APBA1: variants seen among roughly 807,000 people sequenced by gnomAD.
The protein encoded by APBA1 is amyloid beta precursor protein binding family A member 1, also known as amyloid-beta A4 precursor protein-binding family A member 1.
A neutral mutation model predicts 86.6 loss-of-function variants in APBA1; 55 were observed. The observed-to-expected ratio is 0.64, with a 90% CI of 0.51 to 0.80. APBA1 has a LOEUF of 0.80. Ranked by LOEUF, APBA1 falls within the 30% of genes least tolerant of loss-of-function variation. The pLI, the probability that APBA1 is intolerant of heterozygous loss-of-function variation, is 0.00. For synonymous variants in APBA1, 511 were observed against 493.9 expected, an observed-to-expected ratio of 1.03 and a Z score of -0.46; for missense variants, 1,090 against 1,183.0, an observed-to-expected ratio of 0.92 and a Z score of 1.15.
At chr9:69,668,802 A>G (rs192496379) in intron 1 of APBA1, among the ~76,000 whole-genome samples, 43 of 152,166 alleles carry the variant, frequency 2.8e-4, no homozygotes, top group Admixed American at 2.1e-3. Flanking sequence ...GGCCTGTGCT[A>G]CACTGTTCCT....
chr9:69,434,512 G>T (rs1834663644), intron 11 of APBA1, among the ~76,000 whole-genome samples: 1 of 152,088 alleles, frequency 6.6e-6, no homozygotes, highest in East Asian at 1.9e-4. Flanking sequence ...TTCAAGACCG[G>T]CCTGGCCAGT....
intron 1 of APBA1, among the ~76,000 whole-genome samples, chr9:69,528,237 T>C (rs1836372913): frequency 6.6e-6 from 1 of 152,132 alleles, no homozygotes; most frequent in South Asian, 2.1e-4. Flanking sequence ...TAATTTTTGC[T>C]AACACTAACC....
chr9:69,476,108 T>A lies in APBA1; in HGVS notation c.1236A>T (p.Ala412=). Residue 412 remains alanine (A), a synonymous_variant, in exon 3 of 13, where the codon GCA becomes GCT. Transcript: ENST00000265381. ...PSPGSSSPLG[A]ESSSTSLHPS... ...GGTGAAGAGATGTGCTTGATGACTC[T>A]GCACCCAAGGGGGAGGAGCTGCCAG... 6.2e-7 allele frequency: 1 copy of A among 1,614,068 alleles called. No individual in the cohort carries two copies. Among genetic ancestry groups the A allele is most frequent in the Non-Finnish European group, 8.5e-7 (1 of 1,179,988 alleles).
At chr9:69,463,822 C>G (rs1381040468) in intron 5 of APBA1, 1 of 152,168 alleles carries the variant, frequency 6.6e-6, no homozygotes, top group Non-Finnish European at 1.5e-5. Flanking sequence ...AGTGCCAAGC[C>G]AGAAATTACT....
chr9:69,632,874 G>A (rs996790532), intron 1 of APBA1, among the ~76,000 whole-genome samples: 2 of 152,012 alleles, frequency 1.3e-5, no homozygotes, highest in African/African-American at 4.8e-5. Context: ...GGGCTTCCTC[G>A]TCCTTTCACT....
At chr9:69,495,389 G>A (rs908147963) in intron 2 of APBA1, among the ~76,000 whole-genome samples, 1 of 152,096 alleles carries the variant, frequency 6.6e-6, no homozygotes, top group Admixed American at 6.5e-5. Context: ...CCATCTTTCC[G>A]GGTGCTGTTT....
At chr9:69,616,450 C>T (rs558485883) in intron 1 of APBA1, among the ~76,000 whole-genome samples, 14 of 152,226 alleles carry the variant, frequency 9.2e-5, no homozygotes, top group East Asian at 1.9e-4. Context: ...CAAAACCATG[C>T]GAACTGGGAT....
chr9:69,442,037 G>A (rs1222859817), intron 10 of APBA1, among the ~76,000 whole-genome samples: 1 of 152,168 alleles, frequency 6.6e-6, no homozygotes, highest in Non-Finnish European at 1.5e-5. Flanking sequence ...GCCCTCTGCT[G>A]GGTGGTGGGA....
intron 2 of APBA1, among the ~76,000 whole-genome samples, chr9:69,511,466 C>A (rs1836038709): frequency 6.6e-6 from 1 of 152,132 alleles, no homozygotes; most frequent in Non-Finnish European, 1.5e-5. Flanking sequence ...CACTTTTACA[C>A]TGTTGGTGGT....
At chr9:69,656,385 T>G (rs1056621595) in intron 1 of APBA1, among the ~76,000 whole-genome samples, 2 of 152,328 alleles carry the variant, frequency 1.3e-5, no homozygotes, top group East Asian at 3.9e-4. Flanking sequence ...ACTCAGTATA[T>G]TCACACAATG....
At position 69,658,307 on chromosome 9, in the gene APBA1, T is replaced by TC. The variant is rs1491453603; in HGVS notation, c.-70+13845_-70+13846insG. Among the ~76,000 whole-genome samples, 85 of 26,788 alleles carry TC rather than the reference T, an allele frequency of 3.2e-3. 3 individuals are homozygous for TC. The highest frequency in any genetic ancestry group is 0.021 in the South Asian group (15 of 718). 17.6% of individuals were successfully genotyped at this position (26,788 alleles called of 152,430 possible). ...TTCTCTCTCTCTTTCTCTCTCTCTC[T>TC]TTCTTTCTTTCTTTCTTTCTTTCTT... is the stretch of plus-strand genomic sequence containing the variant. On this transcript the variant is annotated intron_variant, in intron 1 of 12. Transcript: ENST00000265381.
At chr9:69,471,223 C>T (rs2133832898) in intron 4 of APBA1, among the ~76,000 whole-genome samples, 1 of 152,262 alleles carries the variant, frequency 6.6e-6, no homozygotes, top group East Asian at 1.9e-4. Context: ...CTAGCTCATC[C>T]ACGTAATAGA....
At chr9:69,551,800 G>A (rs1199921679) in intron 1 of APBA1, among the ~76,000 whole-genome samples, 1 of 152,176 alleles carries the variant, frequency 6.6e-6, no homozygotes, top group Non-Finnish European at 1.5e-5. Flanking sequence ...CAAAACCTGT[G>A]TACCATGAAA....
chr9:69,648,738 T>C (rs538519274), intron 1 of APBA1, among the ~76,000 whole-genome samples: 1 of 152,240 alleles, frequency 6.6e-6, no homozygotes, highest in African/African-American at 2.4e-5. Context: ...CATGCCACCT[T>C]TTTTAAGCAT....
intron 1 of APBA1, among the ~76,000 whole-genome samples, chr9:69,649,441 T>G (rs1242905642): frequency 6.6e-6 from 1 of 151,988 alleles, no homozygotes; most frequent in Non-Finnish European, 1.5e-5. Context: ...CCAGAGTCAC[T>G]TACCCCCTAG....
chr9:69,490,828 T>G (rs1167239395), intron 2 of APBA1, among the ~76,000 whole-genome samples: 1 of 152,086 alleles, frequency 6.6e-6, no homozygotes, highest in Admixed American at 6.5e-5. Flanking sequence ...AGAAGACATT[T>G]ATGTAGCCAA....
Position 69,514,790 on chromosome 9 carries a change from A to G in APBA1, c.1200+1221T>C, listed in dbSNP as rs141810768. ...CTGGACGTGGTGACACCTGCCTGTA[A>G]TCCCAGCTACTTGGGAGACTGAGGT... is the stretch of plus-strand genomic sequence containing the variant. On this transcript the variant is annotated intron_variant, in intron 2 of 12. Coordinates refer to ENST00000265381, the MANE Select transcript of APBA1 (RefSeq NM_001163.4). 3.6e-3 allele frequency among the ~76,000 whole-genome samples: 548 copies of G among 151,420 alleles called. 7 individuals carry two copies. In the South Asian group the frequency reaches 0.051, roughly 14 times the overall value.
intron 1 of APBA1, among the ~76,000 whole-genome samples, chr9:69,606,637 G>T (rs980275015): frequency 6.6e-6 from 1 of 151,726 alleles, no homozygotes; most frequent in East Asian, 1.9e-4. Flanking sequence ...GACTACAGGC[G>T]CCCACCACCA....
intron 2 of APBA1, among the ~76,000 whole-genome samples, chr9:69,483,137 A>AAAAAAACC (rs1208236290): frequency 1.4e-5 from 2 of 147,518 alleles, no homozygotes; most frequent in Admixed American, 6.7e-5. Context: ...AAATTAAGTC[A>AAAAAAACC]AAAAAACAAA....
Sources: gnomAD v4.1 joint callset for allele counts (sites outside exome capture counted in the v4.1 genomes callset) on GRCh38, gnomAD v4.1.1 for gene constraint, MANE v1.5 for transcripts, NCBI Gene and HGNC (gene_info 2026-07-23, HGNC 2026-07-21) for gene names.